NUBPL: variants seen among roughly 807,000 people sequenced by gnomAD.
The protein encoded by NUBPL is NUBP iron-sulfur cluster assembly factor, mitochondrial, also known as iron-sulfur cluster transfer protein NUBPL.
In NUBPL, 31 loss-of-function variants were observed where a neutral mutation model predicts 45.7. The observed-to-expected ratio is 0.68, with a 90% CI of 0.51 to 0.92. The LOEUF is 0.92. Ranked by LOEUF, NUBPL falls within the 40% of genes least tolerant of loss-of-function variation. NUBPL has a pLI of 0.00. For synonymous variants in NUBPL, 144 were observed against 140.9 expected, an observed-to-expected ratio of 1.02 and a Z score of -0.15; for missense variants, 401 against 398.7, an observed-to-expected ratio of 1.01 and a Z score of -0.05.
intron 7 of NUBPL, among the ~76,000 whole-genome samples, chr14:31,806,743 G>T (rs1443965233): frequency 6.6e-6 from 1 of 151,894 alleles, no homozygotes; most frequent in African/African-American, 2.4e-5. Flanking sequence ...TTTACATTAG[G>T]TATTTCTACT....
intron 6 of NUBPL, among the ~76,000 whole-genome samples, chr14:31,747,151 T>C (rs2038418379): frequency 6.7e-6 from 1 of 149,990 alleles, no homozygotes. Context: ...TTTTTTTTTT[T>C]CTGAGTCGGA....
intron 6 of NUBPL, among the ~76,000 whole-genome samples, chr14:31,702,697 G>C (rs2139898213): frequency 6.6e-6 from 1 of 152,320 alleles, no homozygotes. Flanking sequence ...TCTCCAGCCA[G>C]AGAGGCTACT....
chr14:31,633,894 G>A (rs2035412173), intron 4 of NUBPL, among the ~76,000 whole-genome samples: 2 of 151,854 alleles, frequency 1.3e-5, no homozygotes, highest in Admixed American at 1.3e-4. Flanking sequence ...CGATATAATT[G>A]CCGTTCTGGT....
chr14:31,676,951 G>T (rs1037287588), intron 6 of NUBPL, among the ~76,000 whole-genome samples: 3 of 151,334 alleles, frequency 2.0e-5, no homozygotes, highest in Non-Finnish European at 2.9e-5. Flanking sequence ...AGTGCTTTTT[G>T]TATCCTCTTT....
chr14:31,753,446 A>G (rs933742427), intron 6 of NUBPL, among the ~76,000 whole-genome samples: 2 of 152,142 alleles, frequency 1.3e-5, no homozygotes, highest in Non-Finnish European at 1.5e-5. Flanking sequence ...CACCGGGAGT[A>G]TAGTACACAG....
Position 31,787,781 on chromosome 14 carries a change from T to A in NUBPL, c.515T>A (p.Val172Glu). ...MSAIEKLLRQ[V>E]DWGQLDYLVV... ...ATATAATCTATGTCATCTTTTTAGG[T>A]AGATTGGGGTCAACTGGACTACTTA... The change falls in exon 7 of 11, where the codon GTA becomes GAA. Residue 172 changes from valine (V) to glutamate (E), a missense_variant and splice_region_variant. Val to Glu is a moderately radical substitution (Grantham distance 121, BLOSUM62 -2). Coordinates refer to ENST00000281081, the MANE Select transcript of NUBPL (RefSeq NM_025152.3). 6.2e-7 allele frequency: 1 copy of A among 1,600,506 alleles called. No homozygotes were observed. The highest frequency in any genetic ancestry group is 1.1e-5 in the South Asian group (1 of 90,768).
intron 3 of NUBPL, among the ~76,000 whole-genome samples, chr14:31,584,114 G>T (rs2033934062): frequency 1.3e-5 from 2 of 151,840 alleles, no homozygotes. Context: ...ATTAAGGCTT[G>T]CTAATTGTCA....
At chr14:31,680,185 G>C (rs2036796776) in intron 6 of NUBPL, among the ~76,000 whole-genome samples, 1 of 152,028 alleles carries the variant, frequency 6.6e-6, no homozygotes, top group African/African-American at 2.4e-5. Context: ...AAATAAAACA[G>C]CTTAATTTCT....
chr14:31,846,621 G>A, intron 9 of NUBPL, 30 bp downstream of exon 9: 1 of 1,611,250 alleles, frequency 6.2e-7, no homozygotes, highest in Non-Finnish European at 8.5e-7. Flanking sequence ...TTTTGTAGAA[G>A]AAGTGGCAGA....
chr14:31,599,062 G>T (rs1258680154), intron 3 of NUBPL, among the ~76,000 whole-genome samples: 2 of 152,136 alleles, frequency 1.3e-5, no homozygotes, highest in African/African-American at 2.4e-5. Context: ...TCTATCAGTT[G>T]TCTAGACGAT....
At chr14:31,731,219 G>T (rs141884778) in intron 6 of NUBPL, among the ~76,000 whole-genome samples, 3 of 152,296 alleles carry the variant, frequency 2.0e-5, no homozygotes, top group African/African-American at 7.2e-5. Flanking sequence ...AAGAGAATTA[G>T]TGAACTGGGA....
chr14:31,598,162 G>GAT (rs777532700), intron 3 of NUBPL, among the ~76,000 whole-genome samples: 13 of 152,124 alleles, frequency 8.5e-5, no homozygotes, highest in African/African-American at 2.6e-4. Context: ...GAGTCATACA[G>GAT]ATATATATAT....
chr14:31,654,660 C>T (rs868809502), intron 4 of NUBPL, among the ~76,000 whole-genome samples: 1 of 152,130 alleles, frequency 6.6e-6, no homozygotes, highest in African/African-American at 2.4e-5. Flanking sequence ...CTACCCACCT[C>T]GGCCTCCCAA....
At position 31,598,355 on chromosome 14, in the gene NUBPL, G is replaced by T. The variant is rs187085437; in HGVS notation, c.292-934G>T. Among the ~76,000 whole-genome samples the T allele has an allele frequency of 3.9e-4, 59 of 152,204 alleles. 1 individual carries two copies. The highest frequency in any genetic ancestry group is 1.3e-3 in the African/African-American group (52 of 41,546). On this transcript the variant is annotated intron_variant, in intron 3 of 10. Transcript: ENST00000281081. ...GTTTTTCAAAAAATTTTGTCGAGGG[G>T]TTACGAGTTTTATTCTGTAGGATAT... is the stretch of plus-strand genomic sequence containing the variant.
intron 7 of NUBPL, among the ~76,000 whole-genome samples, chr14:31,815,362 T>C (rs56001625): frequency 2.0e-5 from 3 of 151,950 alleles, no homozygotes; most frequent in African/African-American, 4.8e-5. Flanking sequence ...ATAGGCATGC[T>C]TGTGATTTTT....
chr14:31,594,657 C>T (rs2139538892), intron 3 of NUBPL, among the ~76,000 whole-genome samples: 1 of 152,110 alleles, frequency 6.6e-6, no homozygotes. Context: ...GTTCTCTTAT[C>T]ACCTTGTTAA....
At chr14:31,754,591 CTTTTTTTTTTTTT>C (rs59085679) in intron 6 of NUBPL, among the ~76,000 whole-genome samples, 1 of 103,698 alleles carries the variant, frequency 9.6e-6, no homozygotes. Flanking sequence ...AGAGGGTTTT[CTTTTTTTTTTTTT>C]TTTTTTTTCT....
At chr14:31,809,999 T>C (rs2039768737) in intron 7 of NUBPL, among the ~76,000 whole-genome samples, 1 of 152,232 alleles carries the variant, frequency 6.6e-6, no homozygotes, top group Non-Finnish European at 1.5e-5. Context: ...TTGTGATTTC[T>C]GTTCTTTTAC....
At chr14:31,628,726 T>C (rs2035270425) in intron 4 of NUBPL, among the ~76,000 whole-genome samples, 1 of 152,230 alleles carries the variant, frequency 6.6e-6, no homozygotes, top group African/African-American at 2.4e-5. Flanking sequence ...TAAGGGCTTT[T>C]CTTCGAGGTA....
Sources: allele counts gnomAD v4.1 joint callset (sites outside exome capture counted in the v4.1 genomes callset), GRCh38; gene constraint gnomAD v4.1.1; transcripts MANE v1.5; gene names NCBI Gene and HGNC (gene_info 2026-07-23, HGNC 2026-07-21).